The following FGF5 variants were observed in gnomAD, a reference collection of about 807,000 sequenced individuals.
FGF5 encodes heparin-binding growth factor 5.
FGF5 carries 23 observed loss-of-function variants against 21.8 expected under a neutral mutation model. The ratio of observed to expected loss-of-function variants is 1.05; its 90% CI spans 0.76 to 1.49. The LOEUF (loss-of-function observed/expected upper bound fraction) is 1.49, where lower values mean the gene tolerates loss of function less well. FGF5 is among the 40% of genes most tolerant of loss of function. FGF5 has a pLI of 0.00. For synonymous variants in FGF5, 158 were observed against 124.0 expected, an observed-to-expected ratio of 1.27 and a Z score of -1.82; for missense variants, 352 against 332.9, an observed-to-expected ratio of 1.06 and a Z score of -0.45.
At chr4:80,276,174 G>C (rs2109922500) in intron 2 of FGF5, among the ~76,000 whole-genome samples, 1 of 152,048 alleles carries the variant, frequency 6.6e-6, no homozygotes, top group Admixed American at 6.6e-5. Context: ...CATGCAGTGT[G>C]CTAAGAATAC....
In FGF5 at chr4:80,266,800, A is replaced by G. The variant is rs775764159; in HGVS notation, c.-25A>G. The G allele has an allele frequency of 2.6e-6, 4 of 1,547,646 alleles. No homozygotes were observed. The South Asian group carries it at 5.0e-5, about 19-fold the overall frequency. Reference sequence around the variant, plus strand: ...GCCCAGAATCAGCCCTACAAGATGCACTTAGGACCCCCGCGGCTGGAAGAA... The same window carrying G: ...GCCCAGAATCAGCCCTACAAGATGCGCTTAGGACCCCCGCGGCTGGAAGAA... On this transcript the variant is annotated 5_prime_UTR_variant, in exon 1 of 3. Coordinates refer to ENST00000312465, the MANE Select transcript of FGF5 (RefSeq NM_004464.4).
chr4:80,281,075 G>A (rs1439133196), intron 2 of FGF5, among the ~76,000 whole-genome samples: 1 of 152,050 alleles, frequency 6.6e-6, no homozygotes, highest in Non-Finnish European at 1.5e-5. Context: ...GATATAGAAG[G>A]AACGAATGTC....
rs773882310 is a variant in FGF5 at position 80,266,972 on chromosome 4, A to G, written c.148A>G (p.Ser50Gly). ...TAGAGGCTCCAGCAGCAGACAGAGC[A>G]GCAGTAGCGCTATGTCTTCCTCTTC... is the stretch of plus-strand genomic sequence containing the variant. The part of the protein sequence containing the change: ...NPRGSSSRQS[S>G]SSAMSSSSAS... The change falls in exon 1 of 3, where the codon AGC (serine) becomes GGC (glycine). Residue 50 changes from serine to glycine, a missense_variant. Coordinates refer to ENST00000312465, the MANE Select transcript of FGF5 (RefSeq NM_004464.4). 1 of 1,614,090 alleles carries G rather than the reference A, an allele frequency of 6.2e-7. No individual in the cohort carries two copies. Among genetic ancestry groups the G allele is most frequent in the African/African-American group, 1.3e-5 (1 of 74,944 alleles).
In FGF5 at chr4:80,287,922, TG is replaced by T. The variant is rs2109932321; in HGVS notation, c.*1253del. The T allele has an allele frequency of 6.6e-6, 1 of 152,266 alleles. No homozygotes were observed. The highest frequency in any genetic ancestry group is 2.1e-4 in the South Asian group (1 of 4,822). The allele number at this position is 152,266 out of a possible 1,614,324, so 9.4% of individuals were successfully genotyped here. A position where few individuals can be genotyped will look rare whatever the true frequency, so the allele number is the denominator to read the frequency against. ...GCCTTTTGATAGAGGTAACTTAATT[TG>T]GGAATTTGTTGTGTTGAAATGGCAT... On this transcript the variant is annotated 3_prime_UTR_variant, in exon 3 of 3. Transcript: ENST00000312465.
chr4:80,270,544 T>G (rs1720241372), intron 1 of FGF5, among the ~76,000 whole-genome samples: 1 of 152,220 alleles, frequency 6.6e-6, no homozygotes, highest in African/African-American at 2.4e-5. Flanking sequence ...TCAAGCTCAT[T>G]GTATATAAAT....
chr4:80,282,882 T>C (rs897435742), intron 2 of FGF5, among the ~76,000 whole-genome samples: 1 of 152,138 alleles, frequency 6.6e-6, no homozygotes, highest in Non-Finnish European at 1.5e-5. Context: ...AAAATAAAAA[T>C]CAGCCTGGAA....
rs1269014218 is a variant in FGF5 at position 80,287,849 on chromosome 4, A to G, written c.*1177A>G. ...CCTAAAGGTAACCAATCCAGTGAAT[A>G]GATGTGCCCTTTTATAAGGAAACTT... On this transcript the variant is annotated 3_prime_UTR_variant, in exon 3 of 3. Transcript: ENST00000312465. 1 of 152,180 alleles carries G rather than the reference A, an allele frequency of 6.6e-6. No homozygotes were observed. The highest frequency in any genetic ancestry group is 2.4e-5 in the African/African-American group (1 of 41,444). 9.4% of individuals were successfully genotyped at this position (152,180 alleles called of 1,614,324 possible). A position where few individuals can be genotyped will look rare whatever the true frequency, so the allele number is the denominator to read the frequency against.
intron 2 of FGF5, among the ~76,000 whole-genome samples, chr4:80,277,094 A>T (rs17004865): frequency 0.014 from 2,092 of 152,312 alleles, 48 homozygotes; most frequent in African/African-American, 0.048. Context: ...AGGTTAAGAT[A>T]CATGATTCCT....
intron 2 of FGF5, among the ~76,000 whole-genome samples, chr4:80,276,979 A>G (rs1720431357): frequency 6.6e-6 from 1 of 152,116 alleles, no homozygotes; most frequent in African/African-American, 2.4e-5. Context: ...GATTTATGCC[A>G]TAGTACATGC....
chr4:80,286,694 A>C lies in FGF5; in HGVS notation c.*22A>C, dbSNP rs1305609718. Reference sequence around the variant, plus strand: ...ATAATATTCCTCTTGGCCTTGTGAGAAACCATTCTTTCCCCTCAGGAGTTT... The same window carrying C: ...ATAATATTCCTCTTGGCCTTGTGAGCAACCATTCTTTCCCCTCAGGAGTTT... On this transcript the variant is annotated 3_prime_UTR_variant, in exon 3 of 3. Transcript: ENST00000312465. The C allele has an allele frequency of 6.3e-7, 1 of 1,589,038 alleles. No individual in the cohort carries two copies. The highest frequency in any genetic ancestry group is 8.6e-7 in the Non-Finnish European group (1 of 1,160,168).
chr4:80,285,651 T>TTG (rs990480431), intron 2 of FGF5, among the ~76,000 whole-genome samples: 3 of 152,174 alleles, frequency 2.0e-5, no homozygotes, highest in African/African-American at 7.2e-5. Flanking sequence ...GGCAGATATT[T>TTG]TGTGTGTGTG....
In FGF5 at chr4:80,287,501, GGTAAAAGTACACTAA is replaced by G. The variant is rs1187902448; in HGVS notation, c.*832_*846del. On this transcript the variant is annotated 3_prime_UTR_variant, in exon 3 of 3. Coordinates refer to ENST00000312465, the MANE Select transcript of FGF5 (RefSeq NM_004464.4). ...TGGGAGGTAAGGAAAAGGATTTAGA[GGTAAAAGTACACTAA>G]GTTTGCAACATTTATTGAGATCTAA... is the stretch of plus-strand genomic sequence containing the variant. The G allele has an allele frequency of 6.6e-6, 1 of 152,086 alleles. No individual in the cohort carries two copies. Among genetic ancestry groups the G allele is most frequent in the African/African-American group, 2.4e-5 (1 of 41,422 alleles). The allele number at this position is 152,086 out of a possible 1,614,324, so 9.4% of individuals were successfully genotyped here.
Position 80,286,464 on chromosome 4 carries a change from G to T in FGF5, c.599G>T (p.Arg200Leu). 1.2e-6 allele frequency: 2 copies of T among 1,613,984 alleles called. No homozygotes were observed. The highest frequency in any genetic ancestry group is 3.3e-5 in the Admixed American group (2 of 59,974). The change falls in exon 3 of 3, where the codon CGA becomes CTA. Residue 200 changes from arginine (R) to leucine (L), a missense_variant. Coordinates refer to ENST00000312465, the MANE Select transcript of FGF5 (RefSeq NM_004464.4). ...VALNKRGKAK[R>L]GCSPRVKPQH... ...CTGAATAAAAGAGGAAAAGCCAAAC[G>T]AGGGTGCAGCCCCCGGGTTAAACCC...
Position 80,267,125 on chromosome 4 carries a change from C to G in FGF5, c.301C>G (p.Leu101Val). 6.2e-7 allele frequency: 1 copy of G among 1,613,810 alleles called. No individual in the cohort carries two copies. The highest frequency in any genetic ancestry group is 8.5e-7 in the Non-Finnish European group (1 of 1,179,888). ...LYCRVGIGFH[L>V]QIYPDGKVNG... ...CTGCAGAGTGGGCATCGGTTTCCATCTGCAGATCTACCCGGATGGCAAAGT... is the reference window on the plus strand; with the variant it reads ...CTGCAGAGTGGGCATCGGTTTCCATGTGCAGATCTACCCGGATGGCAAAGT... Residue 101 changes from leucine (L) to valine (V), a missense_variant, in exon 1 of 3, where the codon CTG becomes GTG. By Grantham distance (32) the Leu-to-Val change is conservative. Transcript: ENST00000312465.
chr4:80,286,252 C>A, intron 2 of FGF5, 73 bp from the exon 3 acceptor site: 7 of 1,002,302 alleles, frequency 7.0e-6, no homozygotes, highest in Middle Eastern at 2.3e-4. Context: ...TTTTTTTCTA[C>A]AATACCTTAT....
chr4:80,275,955 G>A (rs1407390023), intron 2 of FGF5, among the ~76,000 whole-genome samples: 1 of 151,854 alleles, frequency 6.6e-6, no homozygotes, highest in African/African-American at 2.4e-5. Flanking sequence ...GTTATAGAAA[G>A]TTTCAATTGA....
chr4:80,286,632 C>A lies in FGF5; in HGVS notation c.767C>A (p.Thr256Asn). ...CCCCTTTCTGCACCTCGGAAAAATA[C>A]CAACTCAGTGAAATACAGACTCAAG... is the stretch of plus-strand genomic sequence containing the variant. ...KIPLSAPRKN[T>N]NSVKYRLKFR... Residue 256 changes from threonine (T) to asparagine (N), a missense_variant, in exon 3 of 3, where the codon ACC (threonine) becomes AAC (asparagine). Coordinates refer to ENST00000312465, the MANE Select transcript of FGF5 (RefSeq NM_004464.4). The A allele has an allele frequency of 1.2e-6, 2 of 1,614,002 alleles. No homozygotes were observed. Among genetic ancestry groups the A allele is most frequent in the Non-Finnish European group, 1.7e-6 (2 of 1,179,944 alleles).
intron 2 of FGF5, among the ~76,000 whole-genome samples, chr4:80,276,862 A>T (rs1578294297): frequency 6.6e-6 from 1 of 152,146 alleles, no homozygotes; most frequent in East Asian, 1.9e-4. Flanking sequence ...TTTATAAAAG[A>T]TTAAAACACC....
intron 1 of FGF5, among the ~76,000 whole-genome samples, chr4:80,267,625 A>C (rs1477909590): frequency 6.6e-6 from 1 of 152,210 alleles, no homozygotes; most frequent in Non-Finnish European, 1.5e-5. Context: ...AGAAGAATCA[A>C]ATCCCAAATA....
Sources: gnomAD v4.1 joint callset for allele counts (sites outside exome capture counted in the v4.1 genomes callset) on GRCh38, gnomAD v4.1.1 for gene constraint, MANE v1.5 for transcripts, NCBI Gene and HGNC (gene_info 2026-07-23, HGNC 2026-07-21) for gene names.